CYP4F11: variants seen among roughly 807,000 people sequenced by gnomAD.
The protein encoded by CYP4F11 is cytochrome P450 family 4 subfamily F member 11, also known as cytochrome P450 4F11.
A neutral mutation model predicts 62.2 loss-of-function variants in CYP4F11; 79 were observed. The ratio of observed to expected loss-of-function variants is 1.27; its 90% CI spans 1.06 to 1.53. CYP4F11 has a LOEUF of 1.53. Ranked by LOEUF, CYP4F11 falls within the 40% of genes most tolerant of loss-of-function variation. The pLI, the probability that CYP4F11 is intolerant of heterozygous loss-of-function variation, is 0.00. For synonymous variants in CYP4F11, 290 were observed against 263.7 expected (o/e 1.10, Z -0.97); for missense variants, 777 against 680.5 (o/e 1.14, Z -1.58).
At chr19:15,916,595 C>T (rs1599370667) in intron 8 of CYP4F11, among the ~76,000 whole-genome samples, 1 of 151,980 alleles carries the variant, frequency 6.6e-6, no homozygotes, top group Admixed American at 6.6e-5. Context: ...AATCAAATAA[C>T]CCCATCAAAA....
upstream of CYP4F11, chr19:15,934,745 G>T: frequency 3.7e-6 from 1 of 268,608 alleles, no homozygotes. Context: ...CCCAACCTTG[G>T]GCAGTCCCCT....
intron 1 of CYP4F11, among the ~76,000 whole-genome samples, chr19:15,933,783 A>G (rs374617598): frequency 3.2e-5 from 1 of 31,366 alleles, no homozygotes; most frequent in Non-Finnish European, 6.5e-5. Flanking sequence ...TGAGTGAGTG[A>G]GCAGAGGAAT....
intron 2 of CYP4F11, among the ~76,000 whole-genome samples, chr19:15,928,415 G>A (rs774388087): frequency 2.6e-5 from 4 of 152,172 alleles, no homozygotes; most frequent in Non-Finnish European, 2.9e-5. Context: ...GAGACTCATC[G>A]TTGACACCAT....
intron 8 of CYP4F11, among the ~76,000 whole-genome samples, chr19:15,919,307 A>T: frequency 6.7e-6 from 1 of 149,818 alleles, no homozygotes; most frequent in Middle Eastern, 3.5e-3. Flanking sequence ...TAAATAAAAT[A>T]CATAGTATAT....
chr19:15,924,650 A>G (rs1405922781), intron 5 of CYP4F11, 111 bp downstream of exon 5: 2 of 1,325,994 alleles, frequency 1.5e-6, no homozygotes, highest in Admixed American at 1.9e-5. Flanking sequence ...GCTATGACAC[A>G]CAGAAAGTGC....
chr19:15,929,370 G>A lies in CYP4F11; in HGVS notation c.343+87C>T. The A allele has an allele frequency of 4.5e-6, 7 of 1,547,508 alleles. No homozygotes were observed. In the South Asian group the frequency reaches 6.7e-5, roughly 15 times the overall value. On this transcript the variant is annotated intron_variant, in intron 2 of 11. Coordinates refer to ENST00000402119, the MANE Select transcript of CYP4F11 (RefSeq NM_021187.4). Reference sequence around the variant, plus strand: ...CAGGAAGAGGGGCCTGGGCCCTGCAGGGGCCACACAGAAGCTTGGGGAGGG... The same window carrying A: ...CAGGAAGAGGGGCCTGGGCCCTGCAAGGGCCACACAGAAGCTTGGGGAGGG...
At chr19:15,914,218 C>A in intron 11 of CYP4F11, 87 bp downstream of exon 11, 1 of 1,465,764 alleles carries the variant, frequency 6.8e-7, no homozygotes, top group Non-Finnish European at 9.4e-7. Flanking sequence ...GGAAGGAGAG[C>A]TGGAACTGGG....
rs377222653 is a variant in CYP4F11, at chr19:15,934,214, G to T, written c.195C>A (p.Gly65=). ...PKQNWFWGHQ[G]LVTPTEEGMK... The stretch of plus-strand genomic sequence containing the variant: ...CCCGTCCTGCTGACAAACTCACCAG[G>T]CCCTGGTGTCCCCAAAACCAGTTCT... The change falls in exon 1 of 12, where the codon GGC becomes GGA. Residue 65 remains glycine, a synonymous_variant. Coordinates refer to ENST00000402119, the MANE Select transcript of CYP4F11 (RefSeq NM_021187.4). 6.2e-7 allele frequency: 1 copy of T among 1,613,346 alleles called. No individual in the cohort carries two copies. Among genetic ancestry groups the T allele is most frequent in the Non-Finnish European group, 8.5e-7 (1 of 1,179,612 alleles).
chr19:15,922,932 T>C (rs567976203), intron 6 of CYP4F11, among the ~76,000 whole-genome samples: 1 of 151,902 alleles, frequency 6.6e-6, no homozygotes, highest in East Asian at 1.9e-4. Flanking sequence ...ATGCCTGTAA[T>C]CCCAGCTCTT....
intron 1 of CYP4F11, 47 bp downstream of exon 1, chr19:15,934,164 A>G (rs747261604): frequency 3.1e-6 from 5 of 1,593,196 alleles, no homozygotes; most frequent in Admixed American, 1.7e-5. Context: ...CCCCTCAGGA[A>G]CTCCATGCAT....
chr19:15,925,959 T>A (rs1008403353), intron 4 of CYP4F11, among the ~76,000 whole-genome samples: 1 of 151,630 alleles, frequency 6.6e-6, no homozygotes, highest in Non-Finnish European at 1.5e-5. Flanking sequence ...GGTCAGGAGA[T>A]CGAGACAATC....
chr19:15,919,405 T>TGGAGGGAC (rs1325508548), intron 8 of CYP4F11, among the ~76,000 whole-genome samples: 39 of 141,128 alleles, frequency 2.8e-4, no homozygotes, highest in Non-Finnish European at 4.6e-5. Flanking sequence ...GGATAAAGGA[T>TGGAGGGAC]GGATGGACGG....
chr19:15,920,123 A>T (rs907217939), intron 8 of CYP4F11, among the ~76,000 whole-genome samples: 2 of 152,248 alleles, frequency 1.3e-5, no homozygotes, highest in African/African-American at 4.8e-5. Flanking sequence ...TATGACCATC[A>T]GGTGGATTTA....
At chr19:15,924,121 C>T (rs2089651380) in intron 5 of CYP4F11, 39 bp from the exon 6 acceptor site, 1 of 1,593,404 alleles carries the variant, frequency 6.3e-7, no homozygotes, top group Admixed American at 1.7e-5. Flanking sequence ...ATGCAAAGTC[C>T]CAGGAGCACC....
In CYP4F11 at chr19:15,923,937, C is replaced by T. The variant is rs528149508; in HGVS notation, c.793G>A (p.Asp265Asn). ...TCCTGGATGACGGCATCTGTGAAGTCGTGCACCAGGTGGCAGGCCCTGCGG... is the reference window on the plus strand; with the variant it reads ...TCCTGGATGACGGCATCTGTGAAGTTGTGCACCAGGTGGCAGGCCCTGCGG... ...RFRRACHLVH[D>N]FTDAVIQERR... Residue 265 changes from aspartate (D) to asparagine (N), a missense_variant, in exon 6 of 12, where the codon GAC becomes AAC. Transcript: ENST00000402119. 9 of 1,614,166 alleles carry T rather than the reference C, an allele frequency of 5.6e-6. No homozygotes were observed. The highest frequency in any genetic ancestry group is 2.2e-5 in the East Asian group (1 of 44,874).
chr19:15,934,378 G>T lies in CYP4F11; in HGVS notation c.31C>A (p.Leu11Ile). The T allele has an allele frequency of 6.2e-7, 1 of 1,613,314 alleles. No individual in the cohort carries two copies. The highest frequency in any genetic ancestry group is 8.5e-7 in the Non-Finnish European group (1 of 1,179,674). ...CACGGGGATGCTGCCACGGGCCCGAGGCCCAGCCAGGACAGGCTCAGCTGC... is the reference window on the plus strand; with the variant it reads ...CACGGGGATGCTGCCACGGGCCCGATGCCCAGCCAGGACAGGCTCAGCTGC... MPQLSLSWLG[L>I]GPVAASPWLL... The change falls in exon 1 of 12, where the codon CTC becomes ATC. Residue 11 changes from leucine to isoleucine, a missense_variant. Coordinates refer to ENST00000402119, the MANE Select transcript of CYP4F11 (RefSeq NM_021187.4).
At chr19:15,920,080 A>C (rs1197488559) in intron 8 of CYP4F11, among the ~76,000 whole-genome samples, 1 of 152,238 alleles carries the variant, frequency 6.6e-6, no homozygotes, top group Non-Finnish European at 1.5e-5. Context: ...AAATGTTCTC[A>C]CTGCTAAAAT....
rs1314571881 is a variant in CYP4F11, at chr19:15,915,673, G to A, written c.1116-778C>T. Among the ~76,000 whole-genome samples the A allele has an allele frequency of 3.3e-5, 5 of 151,620 alleles. No homozygotes were observed. In the East Asian group the frequency reaches 9.9e-4, roughly 30 times the overall value. Reference sequence around the variant, plus strand: ...ATTCCATATCTTTTCTCATTTAACAGTATGTCAGTCTTTTCTTGTGTAGCT... The same window carrying A: ...ATTCCATATCTTTTCTCATTTAACAATATGTCAGTCTTTTCTTGTGTAGCT... On this transcript the variant is annotated intron_variant, in intron 8 of 11. Transcript: ENST00000402119.
rs142513893 is a variant in CYP4F11, at chr19:15,922,059, G to C, written c.1093C>G (p.Arg365Gly). 1.2e-6 allele frequency: 2 copies of C among 1,612,358 alleles called. No individual in the cohort carries two copies. The highest frequency in any genetic ancestry group is 1.7e-5 in the Admixed American group (1 of 59,850). The change falls in exon 8 of 12, where the codon CGT becomes GGT. Residue 365 changes from arginine (R) to glycine (G), a missense_variant. Physicochemically the swap from Arg to Gly is moderately radical, Grantham distance 125. Coordinates refer to ENST00000402119, the MANE Select transcript of CYP4F11 (RefSeq NM_021187.4). ...RQEVQELLKD[R>G]EPIEIEWDDL... ...CACCATTCAATCTCTATAGGTTCAC[G>C]GTCCTTCAGAAGCTCTTGCACTTCT... is the stretch of plus-strand genomic sequence containing the variant.
Sources: allele counts gnomAD v4.1 joint callset (sites outside exome capture counted in the v4.1 genomes callset), GRCh38; gene constraint gnomAD v4.1.1; transcripts MANE v1.5; gene names NCBI Gene and HGNC (gene_info 2026-07-23, HGNC 2026-07-21).